Variants in PNLIP observed in about 807,000 individuals in gnomAD.
PNLIP encodes pancreatic triacylglycerol lipase.
A neutral mutation model predicts 57.1 loss-of-function variants in PNLIP; 49 were observed. That is an observed-to-expected ratio of 0.86 (90% CI 0.68 to 1.09). The LOEUF (loss-of-function observed/expected upper bound fraction) is 1.09, where lower values mean the gene tolerates loss of function less well. Ranked by LOEUF, PNLIP falls within the 50% of genes least tolerant of loss-of-function variation. The pLI is 0.00. For missense variants in PNLIP, 503 were observed against 570.2 expected (o/e 0.88, Z 1.20); for synonymous variants, 209 against 200.4 (o/e 1.04, Z -0.36).
rs1847314486 is a variant in PNLIP at position 116,561,464 on chromosome 10, A to AAAAG, written c.1170-8_1170-7insAAAG. 6.2e-7 allele frequency: 1 copy of AAAAG among 1,604,472 alleles called. No individual in the cohort carries two copies. The highest frequency in any genetic ancestry group is 8.5e-7 in the Non-Finnish European group (1 of 1,175,560). On this transcript the variant is annotated splice_polypyrimidine_tract_variant and splice_region_variant and intron_variant, in intron 11 of 12. Transcript: ENST00000369221. The stretch of plus-strand genomic sequence containing the variant: ...ATGTATGTTTTTGTTAACTTCTTAA[A>AAAAG]TCCTTAGGGGCACTCTCAAACCAGA...
intron 11 of PNLIP, 28 bp downstream of exon 11, chr10:116,560,552 T>C (rs77769894): frequency 9.6e-6 from 3 of 312,950 alleles, no homozygotes; most frequent in Non-Finnish European, 1.5e-5. Flanking sequence ...GCTCTATGCT[T>C]TTTTTTTTTT....
chr10:116,547,311 G>C lies in PNLIP; in HGVS notation c.64G>C (p.Glu22Gln), dbSNP rs568629341. 3 of 1,614,078 alleles carry C rather than the reference G, an allele frequency of 1.9e-6. No homozygotes were observed. Among genetic ancestry groups the C allele is most frequent in the Middle Eastern group, 1.6e-4 (1 of 6,062 alleles). ...GATTGCAGGAAAAGAAGTTTGCTAC[G>C]AAAGACTCGGCTGCTTCAGTGATGA... ...GAVAGKEVCYERLGCFSDDSP... is the reference protein window; with the variant it reads ...GAVAGKEVCYQRLGCFSDDSP... Residue 22 changes from glutamate to glutamine, a missense_variant, in exon 3 of 13, where the codon GAA becomes CAA. By Grantham distance (29) the Glu-to-Gln change is conservative. Transcript: ENST00000369221.
chr10:116,553,224 G>A lies in PNLIP; in HGVS notation c.460-503G>A, dbSNP rs569787206. Among the ~76,000 whole-genome samples the A allele has an allele frequency of 2.0e-3, 304 of 152,262 alleles. 2 individuals are homozygous for A. The highest frequency in any genetic ancestry group is 2.5e-3 in the Non-Finnish European group (169 of 68,014). On this transcript the variant is annotated intron_variant, in intron 5 of 12. Transcript: ENST00000369221. ...GGGTTCAAGTGATTCTCCCACCTTA[G>A]CCTCCCAAGTAGTCAGGATTATAGG...
At chr10:116,551,370 C>A in intron 5 of PNLIP, 138 bp downstream of exon 5, 1 of 571,620 alleles carries the variant, frequency 1.7e-6, no homozygotes, top group Non-Finnish European at 2.6e-6. Context: ...CTCTTGGCTA[C>A]AAAGAAAAAT....
chr10:116,552,052 G>A (rs1040446747), intron 5 of PNLIP, among the ~76,000 whole-genome samples: 2 of 152,080 alleles, frequency 1.3e-5, no homozygotes, highest in African/African-American at 2.4e-5. Context: ...TGATACCACA[G>A]CACAACATAT....
intron 2 of PNLIP, among the ~76,000 whole-genome samples, chr10:116,546,856 G>A (rs1847130923): frequency 6.6e-6 from 1 of 152,192 alleles, no homozygotes; most frequent in South Asian, 2.1e-4. Flanking sequence ...GAATGAAGAT[G>A]TCCTGCAGTA....
At chr10:116,563,410 A>G (rs1847334423) in intron 12 of PNLIP, among the ~76,000 whole-genome samples, 4 of 152,072 alleles carry the variant, frequency 2.6e-5, no homozygotes, top group Admixed American at 2.6e-4. Flanking sequence ...TTATTTTTCC[A>G]TAAGTTATTG....
chr10:116,567,761 T>C lies in PNLIP; in HGVS notation c.1361T>C (p.Val454Ala). The C allele has an allele frequency of 6.2e-7, 1 of 1,614,034 alleles. No individual in the cohort carries two copies. The highest frequency in any genetic ancestry group is 8.5e-7 in the Non-Finnish European group (1 of 1,179,872). Residue 454 changes from valine (V) to alanine (A), a missense_variant, in exon 13 of 13, where the codon GTC (valine) becomes GCC (alanine). By Grantham distance (64) the Val-to-Ala change is moderately conservative. Transcript: ENST00000369221. ...TTCAACTTCTGTAGTCCAGAAACCG[T>C]CAGGGAGGAAGTTCTGCTCACCCTC... ...KQFNFCSPET[V>A]REEVLLTLTP...
Position 116,561,642 on chromosome 10 carries a change from T to C in PNLIP, c.1334+6T>C. The C allele has an allele frequency of 6.2e-7, 1 of 1,604,450 alleles. No individual in the cohort carries two copies. The highest frequency in any genetic ancestry group is 8.5e-7 in the Non-Finnish European group (1 of 1,173,890). On this transcript the variant is annotated splice_donor_region_variant and intron_variant, in intron 12 of 12. Transcript: ENST00000369221. ...GAGACAAATGTTGGAAAACAGTAAG[T>C]AATGAAAATCCCAGGAGATGTGAAA...
chr10:116,553,146 C>A (rs938651837), intron 5 of PNLIP, among the ~76,000 whole-genome samples: 1 of 152,288 alleles, frequency 6.6e-6, no homozygotes, highest in Middle Eastern at 3.4e-3. Context: ...TGCTCTGTCG[C>A]CCAGGCTAGA....
Position 116,553,635 on chromosome 10 carries a change from G to A in PNLIP, c.460-92G>A, listed in dbSNP as rs561186980. ...ATGATGTTCCCACAACAATGAAATC[G>A]CTTGATGATGCATTTCTTGTAACGT... On this transcript the variant is annotated intron_variant, in intron 5 of 12. Coordinates refer to ENST00000369221, the MANE Select transcript of PNLIP (RefSeq NM_000936.4). The A allele has an allele frequency of 6.0e-5, 45 of 744,452 alleles. 1 individual carries two copies. Among genetic ancestry groups the A allele is most frequent in the East Asian group, 3.4e-4 (13 of 37,772 alleles). The allele number at this position is 744,452 out of a possible 1,614,324, so 46.1% of individuals were successfully genotyped here.
At position 116,561,654 on chromosome 10, in the gene PNLIP, C is replaced by T. The variant is rs781357112; in HGVS notation, c.1334+18C>T. On this transcript the variant is annotated intron_variant, in intron 12 of 12. Transcript: ENST00000369221. ...GGAAAACAGTAAGTAATGAAAATCC[C>T]AGGAGATGTGAAATATCGAGTCTGT... 2 of 1,595,564 alleles carry T rather than the reference C, an allele frequency of 1.3e-6. No homozygotes were observed. The highest frequency in any genetic ancestry group is 1.7e-6 in the Non-Finnish European group (2 of 1,167,974).
At chr10:116,553,311 G>A (rs1847214958) in intron 5 of PNLIP, among the ~76,000 whole-genome samples, 1 of 152,144 alleles carries the variant, frequency 6.6e-6, no homozygotes, top group African/African-American at 2.4e-5. Flanking sequence ...CACCATATTG[G>A]CCAGGCTGGT....
chr10:116,551,194 G>A lies in PNLIP; in HGVS notation c.421G>A (p.Val141Met), dbSNP rs775944341. Reference protein sequence around the residue: ...YTQASQNIRIVGAEVAYFVEF... With the variant: ...YTQASQNIRIMGAEVAYFVEF... ...ACAAGCCTCGCAGAACATCAGGATC[G>A]TGGGAGCAGAAGTGGCATATTTTGT... The change falls in exon 5 of 13, where the codon GTG (valine) becomes ATG (methionine). Residue 141 changes from valine to methionine, a missense_variant. Physicochemically the swap from Val to Met is conservative, Grantham distance 21. Transcript: ENST00000369221. The A allele has an allele frequency of 1.8e-5, 29 of 1,611,704 alleles. No homozygotes were observed. The South Asian group carries it at 1.9e-4, about 10-fold the overall frequency.
chr10:116,546,992 G>C (rs1170215345), intron 2 of PNLIP, among the ~76,000 whole-genome samples: 1 of 152,164 alleles, frequency 6.6e-6, no homozygotes. Context: ...CCTTTCTTGA[G>C]CACCTATAGC....
Position 116,549,230 on chromosome 10 carries a change from C to T in PNLIP, c.324+748C>T, listed in dbSNP as rs190816187. Reference sequence around the variant, plus strand: ...TGGTGGCTCATACCTGTAATCCGAGCACTTTGGGAGGCTGAGGCGGGCGGA... The same window carrying T: ...TGGTGGCTCATACCTGTAATCCGAGTACTTTGGGAGGCTGAGGCGGGCGGA... On this transcript the variant is annotated intron_variant, in intron 4 of 12. Coordinates refer to ENST00000369221, the MANE Select transcript of PNLIP (RefSeq NM_000936.4). Among the ~76,000 whole-genome samples, 420 of 152,194 alleles carry T rather than the reference C, an allele frequency of 2.8e-3. 1 individual carries two copies. Among genetic ancestry groups the T allele is most frequent in the Middle Eastern group, 6.8e-3 (2 of 294 alleles).
chr10:116,555,973 T>A, intron 8 of PNLIP, 27 bp from the exon 9 acceptor site: 1 of 1,328,704 alleles, frequency 7.5e-7, no homozygotes, highest in East Asian at 2.3e-5. Context: ...AATCTGTCCT[T>A]GATGTGTAAT....
chr10:116,546,960 G>C lies in PNLIP; in HGVS notation c.47-334G>C, dbSNP rs1215129873. On this transcript the variant is annotated intron_variant, in intron 2 of 12. Coordinates refer to ENST00000369221, the MANE Select transcript of PNLIP (RefSeq NM_000936.4). ...CTAAACAGTGGCTACAAGAAGTTAA[G>C]GCTTAGGGACACAGGGCTGTCCCTT... Among the ~76,000 whole-genome samples, 5 of 152,178 alleles carry C rather than the reference G, an allele frequency of 3.3e-5. No homozygotes were observed. In the East Asian group the frequency reaches 9.6e-4, roughly 29 times the overall value.
Position 116,561,518 on chromosome 10 carries a change from G to T in PNLIP, c.1216G>T (p.Asp406Tyr), listed in dbSNP as rs776672330. ...TACTCATTCCAATGAATTTGACTCA[G>T]ATGTGGATGTTGGGGACTTGCAGAT... The part of the protein sequence containing the change: ...DSTHSNEFDS[D>Y]VDVGDLQMVK... Residue 406 changes from aspartate to tyrosine, a missense_variant, in exon 12 of 13, where the codon GAT becomes TAT. Coordinates refer to ENST00000369221, the MANE Select transcript of PNLIP (RefSeq NM_000936.4). 35 of 1,613,946 alleles carry T rather than the reference G, an allele frequency of 2.2e-5. No individual in the cohort carries two copies. The highest frequency in any genetic ancestry group is 3.0e-5 in the Non-Finnish European group (35 of 1,179,886).
Sources: gnomAD v4.1 joint callset for allele counts (sites outside exome capture counted in the v4.1 genomes callset) on GRCh38, gnomAD v4.1.1 for gene constraint, MANE v1.5 for transcripts, NCBI Gene and HGNC (gene_info 2026-07-23, HGNC 2026-07-21) for gene names.